Variants in ADCY4 observed in about 807,000 individuals in gnomAD.
ADCY4 encodes adenylate cyclase type 4.
In ADCY4, 111 loss-of-function variants were observed where a neutral mutation model predicts 125.5. The observed-to-expected ratio is 0.88, with a 90% CI of 0.76 to 1.04. The LOEUF is 1.04. Among genes scored for constraint, ADCY4 ranks in the 50% least tolerant of loss-of-function variants. The pLI is 0.00. For missense variants in ADCY4, 1,256 were observed against 1,382.9 expected (o/e 0.91, Z 1.46); for synonymous variants, 576 against 586.9 (o/e 0.98, Z 0.27).
chr14:24,323,061 A>G lies in ADCY4; in HGVS notation c.2185T>C (p.Phe729Leu), dbSNP rs550206088. 27 of 1,614,142 alleles carry G rather than the reference A, an allele frequency of 1.7e-5. No homozygotes were observed. In the South Asian group the frequency reaches 2.9e-4, roughly 17 times the overall value. Residue 729 changes from phenylalanine (F) to leucine (L), a missense_variant, in exon 18 of 25, where the codon TTC becomes CTC. Transcript: ENST00000418030. ...PYSMHCCTLG[F>L]LSCSLFLHMS... ...TGCAGAAAGAGGGAGCAGGAGAGGA[A>G]GCCCAGCGTGCAGCAGTGCATGGAG...
chr14:24,330,404 G>T lies in ADCY4; in HGVS notation c.931-109C>A. 3.3e-6 allele frequency: 5 copies of T among 1,503,686 alleles called. No homozygotes were observed. In the South Asian group the frequency reaches 6.0e-5, roughly 18 times the overall value. The allele number at this position is 1,503,686 out of a possible 1,614,324, so 93.1% of individuals were successfully genotyped here. A position where few individuals can be genotyped will look rare whatever the true frequency, so the allele number is the denominator to read the frequency against. ...CGGGGTATTCCTGAAGAACTTCCAA[G>T]GTGGGGTAGTGTCTAGATCAGATCT... On this transcript the variant is annotated intron_variant, in intron 6 of 24. Transcript: ENST00000418030.
At position 24,319,424 on chromosome 14, in the gene ADCY4, G is replaced by A; in HGVS notation, c.2746C>T (p.Pro916Ser). ...IADFDELLSK[P>S]KFSGVEKIKT... ...ATCTTCTCCACCCCACTGAACTTGG[G>A]CTTGGAGAGCAGCTGTATATAGAGA... is the stretch of plus-strand genomic sequence containing the variant. The change falls in exon 22 of 25, where the codon CCC (proline) becomes TCC (serine). Residue 916 changes from proline (P) to serine (S), a missense_variant. Coordinates refer to ENST00000418030, the MANE Select transcript of ADCY4 (RefSeq NM_001198568.2). This position sits in a 1 kb window ranked among gnomAD's most constrained non-coding sequence, Gnocchi z 4.5. 6.2e-7 allele frequency: 1 copy of A among 1,614,186 alleles called. No homozygotes were observed.
intron 3 of ADCY4, chr14:24,332,206 C>A: frequency 2.1e-6 from 1 of 468,204 alleles, no homozygotes; most frequent in South Asian, 5.0e-5. Context: ...AATACCACTC[C>A]ACTGTCGCTA....
At chr14:24,318,884 G>A (rs2041810264) in intron 23 of ADCY4, 106 bp from the exon 24 acceptor site, 4 of 1,523,792 alleles carry the variant, frequency 2.6e-6, no homozygotes, top group Non-Finnish European at 3.6e-6. Flanking sequence ...CTAGAGGAGA[G>A]GAGGGGTCTC....
chr14:24,325,190 TCC>T, intron 14 of ADCY4, among the ~76,000 whole-genome samples, 185 bp downstream of exon 14: 1 of 133,998 alleles, frequency 7.5e-6, no homozygotes, highest in African/African-American at 3.5e-5. Context: ...GTGTAGAAAG[TCC>T]ACAGGATCTA....
rs2042066815 is a variant in ADCY4 at position 24,332,839 on chromosome 14, T to C, written c.309A>G (p.Leu103=). ...SGLVWVALLA[L]GHAFLFTGGV... ...CCCCGGTGAACAGGAAGGCGTGGCC[T>C]AGCGCTAGCAGCGCGACCCATACCA... The change falls in exon 2 of 25, where the codon CTA becomes CTG. Residue 103 remains leucine (L), a synonymous_variant. Transcript: ENST00000418030. 2 of 1,590,876 alleles carry C rather than the reference T, an allele frequency of 1.3e-6. No individual in the cohort carries two copies. The highest frequency in any genetic ancestry group is 2.3e-5 in the East Asian group (1 of 44,244).
chr14:24,329,503 G>A lies in ADCY4; in HGVS notation c.1248C>T (p.Ala416=), dbSNP rs770281120. 9.6e-6 allele frequency: 15 copies of A among 1,558,966 alleles called. No individual in the cohort carries two copies. The highest frequency in any genetic ancestry group is 1.4e-5 in the African/African-American group (1 of 72,598). Residue 416 remains alanine (A), a synonymous_variant, in exon 9 of 25, where the codon GCC becomes GCT. Coordinates refer to ENST00000418030, the MANE Select transcript of ADCY4 (RefSeq NM_001198568.2). The part of the protein sequence containing the change: ...GRVHITGATL[A]LLAGAYAVED... ...CCACAGCATAAGCCCCTGCCAGCAG[G>A]GCCAGGGTAGCCCCTGTGATGTGCA...
At chr14:24,320,574 C>A (rs1399371280) in intron 20 of ADCY4, among the ~76,000 whole-genome samples, 1 of 152,162 alleles carries the variant, frequency 6.6e-6, no homozygotes, top group African/African-American at 2.4e-5. Flanking sequence ...TGAGCTGTTT[C>A]TTTTAACATC....
chr14:24,329,037 G>T, intron 10 of ADCY4, 24 bp downstream of exon 10: 1 of 1,608,660 alleles, frequency 6.2e-7, no homozygotes. Flanking sequence ...TAAGCTCTGG[G>T]GCTCAGGATG....
chr14:24,334,370 G>C, intron 1 of ADCY4, 124 bp downstream of exon 1: 1 of 1,429,436 alleles, frequency 7.0e-7, no homozygotes, highest in Non-Finnish European at 9.2e-7. Context: ...TCCTAGCCAG[G>C]CTCAATGGTC....
chr14:24,331,259 T>C lies in ADCY4; in HGVS notation c.767A>G (p.Glu256Gly). Residue 256 changes from glutamate to glycine, a missense_variant, in exon 5 of 25, where the codon GAG becomes GGG. Coordinates refer to ENST00000418030, the MANE Select transcript of ADCY4 (RefSeq NM_001198568.2). The part of the protein sequence containing the change: ...RLQAGQGSRP[E>G]STNNFHSLYV... ...GAGGCTGTGGAAATTGTTAGTGCTC[T>C]CTGGCCGTGACCCCTGTCCTGCCTG... 6.2e-7 allele frequency: 1 copy of C among 1,614,198 alleles called. No individual in the cohort carries two copies.
Position 24,334,518 on chromosome 14 carries a change from G to A in ADCY4, c.135C>T (p.Leu45=), listed in dbSNP as rs763519738. The change falls in exon 1 of 25, where the codon CTC becomes CTT. Residue 45 remains leucine, a synonymous_variant. Transcript: ENST00000418030. ...CCCTGCCGCTGGCCCAGGCCACTGCGAGCAGCGCCGCGAGCGCACAGAGCA... is the reference window on the plus strand; with the variant it reads ...CCCTGCCGCTGGCCCAGGCCACTGCAAGCAGCGCCGCGAGCGCACAGAGCA... The part of the protein sequence containing the change: ...GIVLCALAAL[L]AVAWASGREL... The A allele has an allele frequency of 2.5e-6, 4 of 1,582,180 alleles. No individual in the cohort carries two copies. Among genetic ancestry groups the A allele is most frequent in the Non-Finnish European group, 3.4e-6 (4 of 1,169,922 alleles).
chr14:24,328,235 G>GGT (rs1555316924), intron 10 of ADCY4, among the ~76,000 whole-genome samples: 1 of 132,854 alleles, frequency 7.5e-6, no homozygotes, highest in Non-Finnish European at 1.6e-5. Context: ...GCGGGGTGGG[G>GGT]GGGGGGGTCT....
rs1272035870 is a variant in ADCY4 at position 24,323,326 on chromosome 14, G to A, written c.2157+18C>T. 6.5e-7 allele frequency: 1 copy of A among 1,537,762 alleles called. No homozygotes were observed. Among genetic ancestry groups the A allele is most frequent in the Non-Finnish European group, 8.8e-7 (1 of 1,133,974 alleles). The stretch of plus-strand genomic sequence containing the variant: ...AAGGGTGTGCAGAAGGAGATTAAGG[G>A]CATGTGGGAACACTCACTGGGACAC... On this transcript the variant is annotated intron_variant, in intron 17 of 24. Transcript: ENST00000418030.
intron 23 of ADCY4, 130 bp downstream of exon 23, chr14:24,318,968 C>A: frequency 7.1e-7 from 1 of 1,407,274 alleles, no homozygotes; most frequent in Non-Finnish European, 9.8e-7. Flanking sequence ...ACCTTCACAC[C>A]CCATCCCAGG....
In ADCY4 at chr14:24,331,911, C is replaced by A; in HGVS notation, c.546G>T (p.Leu182=). 3 of 1,578,846 alleles carry A rather than the reference C, an allele frequency of 1.9e-6. No individual in the cohort carries two copies. Among genetic ancestry groups the A allele is most frequent in the Non-Finnish European group, 2.6e-6 (3 of 1,154,838 alleles). ...PQLAANAVLF[L]CGNVAGVYHK... ...GGTACACTCCTGCCACGTTCCCGCA[C>A]AGGAACAGCACTGCGTTTGCTGCCA... Residue 182 remains leucine, a synonymous_variant, in exon 4 of 25, where the codon CTG becomes CTT. Transcript: ENST00000418030.
intron 14 of ADCY4, 32 bp from the exon 15 acceptor site, chr14:24,324,423 G>T: frequency 3.2e-6 from 5 of 1,576,444 alleles, no homozygotes; most frequent in Non-Finnish European, 4.4e-6. Context: ...GCCTTGAAGT[G>T]CCAGAACAGG....
intron 18 of ADCY4, 95 bp from the exon 19 acceptor site, chr14:24,322,803 C>T (rs573656726): frequency 1.8e-4 from 271 of 1,546,882 alleles, no homozygotes; most frequent in Admixed American, 3.1e-4. Context: ...CCCACTTTGC[C>T]CTGTGGGTGA....
At chr14:24,329,328 A>C in intron 9 of ADCY4, 73 bp downstream of exon 9, 1 of 1,569,164 alleles carries the variant, frequency 6.4e-7, no homozygotes, top group Non-Finnish European at 8.7e-7. Context: ...TCTCTGGCAC[A>C]GAAGAGATCA....
Sources: gnomAD v4.1 joint callset for allele counts (sites outside exome capture counted in the v4.1 genomes callset) on GRCh38, gnomAD v4.1.1 for gene constraint, Gnocchi (gnomAD v3.1) non-coding constraint, MANE v1.5 for transcripts, NCBI Gene and HGNC (gene_info 2026-07-23, HGNC 2026-07-21) for gene names.